Variants in SGCD observed in about 807,000 individuals in gnomAD.
SGCD encodes delta-sarcoglycan.
In SGCD, 18 loss-of-function variants were observed where a neutral mutation model predicts 36.6. That is an observed-to-expected ratio of 0.49 (90% CI 0.34 to 0.73). The LOEUF (loss-of-function observed/expected upper bound fraction) is 0.73. SGCD is among the 30% of genes least tolerant of loss of function. The pLI is 0.01. For missense variants in SGCD, 387 were observed against 346.7 expected, an observed-to-expected ratio of 1.12 and a Z score of -0.92; for synonymous variants, 133 against 130.6, an observed-to-expected ratio of 1.02 and a Z score of -0.12.
intron 1 of SGCD, among the ~76,000 whole-genome samples, chr5:155,992,457 C>T (rs1466755190): frequency 6.6e-6 from 1 of 152,060 alleles, no homozygotes; most frequent in Non-Finnish European, 1.5e-5. Context: ...TCAATGAGAA[C>T]CCTTCCTGCA....
At chr5:156,529,583 C>T (rs1757797079) in intron 4 of SGCD, among the ~76,000 whole-genome samples, 1 of 151,340 alleles carries the variant, frequency 6.6e-6, no homozygotes, top group Non-Finnish European at 1.5e-5. Context: ...GATTCATCTT[C>T]TGGCAACTCT....
intron 3 of SGCD, among the ~76,000 whole-genome samples, chr5:156,240,093 G>A (rs966702876): frequency 3.9e-5 from 6 of 152,150 alleles, no homozygotes; most frequent in African/African-American, 1.4e-4. Context: ...TGCTTTTGAT[G>A]TGTGCTAATG....
intron 4 of SGCD, among the ~76,000 whole-genome samples, chr5:156,569,046 T>G (rs1759612084): frequency 6.6e-6 from 1 of 152,150 alleles, no homozygotes; most frequent in Non-Finnish European, 1.5e-5. Flanking sequence ...GAACATTGTA[T>G]TCCAGATGTG....
chr5:156,343,087 T>A (rs1327620866), intron 2 of SGCD, among the ~76,000 whole-genome samples: 2 of 145,736 alleles, frequency 1.4e-5, no homozygotes, highest in African/African-American at 5.2e-5. Context: ...ATTTTATGTG[T>A]CCATTTTAAT....
At chr5:156,548,618 G>T (rs911812583) in intron 4 of SGCD, among the ~76,000 whole-genome samples, 2 of 151,282 alleles carry the variant, frequency 1.3e-5, no homozygotes, top group East Asian at 4.0e-4. Context: ...TCCTTTCCGT[G>T]TATTTTTTTT....
chr5:156,384,798 C>G (rs1771187658), intron 3 of SGCD, among the ~76,000 whole-genome samples: 1 of 152,060 alleles, frequency 6.6e-6, no homozygotes, highest in Non-Finnish European at 1.5e-5. Context: ...CAAATTGTGC[C>G]TTTTGTTTAT....
rs1753117159 is a variant in SGCD at position 156,667,789 on chromosome 5, GA to G, written c.575+20257del. Among the ~76,000 whole-genome samples the G allele has an allele frequency of 2.0e-5, 3 of 152,162 alleles. No homozygotes were observed. The South Asian group carries it at 6.2e-4, about 32-fold the overall frequency. On this transcript the variant is annotated intron_variant, in intron 7 of 8. Transcript: ENST00000337851. ...CTCAACAAATATTAGTTTTTTGGAGGAAAAGGCAAACAGCTGTCTTTCATCA... is the reference window on the plus strand; with the variant it reads ...CTCAACAAATATTAGTTTTTTGGAGGAAAGGCAAACAGCTGTCTTTCATCA...
chr5:155,935,995 C>A (rs1757188453), intron 1 of SGCD, among the ~76,000 whole-genome samples: 1 of 152,124 alleles, frequency 6.6e-6, no homozygotes, highest in African/African-American at 2.4e-5. Context: ...GCAGCTGGAA[C>A]AGGTGTACTA....
rs1395880969 is a variant in SGCD, at chr5:156,315,471, C to T, written c.-43-14063C>T. 3.3e-5 allele frequency among the ~76,000 whole-genome samples: 5 copies of T among 151,994 alleles called. No individual in the cohort carries two copies. In the East Asian group the frequency reaches 9.6e-4, roughly 29 times the overall value. The stretch of plus-strand genomic sequence containing the variant: ...TTAACCACTCATTGGTTGATGGATG[C>T]TCAAGTCATTTTCATTTTGTGACTA... On this transcript the variant is annotated intron_variant, in intron 3 of 9. Coordinates refer to the SGCD transcript ENST00000517913.
At chr5:156,731,567 T>TG (rs1210338938) in intron 7 of SGCD, among the ~76,000 whole-genome samples, 2 of 150,986 alleles carry the variant, frequency 1.3e-5, no homozygotes, top group Non-Finnish European at 3.0e-5. Flanking sequence ...GTCTTATTTC[T>TG]GGGTTTTCTA....
At chr5:155,741,157 G>T in the SGCD span, among the ~76,000 whole-genome samples, 4 of 152,352 alleles carry the variant, frequency 2.6e-5, no homozygotes, top group African/African-American at 4.8e-5. Context: ...TGCCTGAAGA[G>T]TTGAAGTCAG....
chr5:156,645,127 A>G (rs1763180277), intron 6 of SGCD, among the ~76,000 whole-genome samples: 1 of 152,098 alleles, frequency 6.6e-6, no homozygotes, highest in Admixed American at 6.6e-5. Flanking sequence ...TTTTTGAGAG[A>G]CATTAAATTG....
At chr5:155,752,158 T>C in the SGCD span, among the ~76,000 whole-genome samples, 1 of 152,242 alleles carries the variant, frequency 6.6e-6, no homozygotes, top group East Asian at 1.9e-4. Flanking sequence ...ACAAGTGTCA[T>C]GTTCACTTAA....
At chr5:155,729,619 G>A in the SGCD span, among the ~76,000 whole-genome samples, 2 of 152,208 alleles carry the variant, frequency 1.3e-5, no homozygotes, top group African/African-American at 4.8e-5. Flanking sequence ...AGTCCAACAG[G>A]TGGCCTGCGC....
chr5:155,799,275 C>T, the SGCD span, among the ~76,000 whole-genome samples: 1 of 152,120 alleles, frequency 6.6e-6, no homozygotes, highest in African/African-American at 2.4e-5. Flanking sequence ...ATAATAATCA[C>T]TAATCCTTTT....
At chr5:156,315,269 T>TC (rs1243060696) in intron 3 of SGCD, among the ~76,000 whole-genome samples, 2 of 151,580 alleles carry the variant, frequency 1.3e-5, no homozygotes, top group East Asian at 1.9e-4. Flanking sequence ...AGTCTGATTT[T>TC]TTTTTTTTAG....
intron 1 of SGCD, among the ~76,000 whole-genome samples, chr5:156,016,144 T>C (rs1450537077): frequency 2.6e-5 from 4 of 151,996 alleles, no homozygotes; most frequent in Admixed American, 2.6e-4. Flanking sequence ...GCAATACACA[T>C]GTAATAGGCT....
At chr5:155,869,659 T>A (rs533668992), upstream of SGCD, among the ~76,000 whole-genome samples, 12 of 132,152 alleles carry the variant, frequency 9.1e-5, no homozygotes, top group Admixed American at 6.3e-4. Context: ...TTTTTTTTTT[T>A]AAATTTCACC....
rs771173227 is a variant in SGCD, at chr5:156,184,269, A to G, written c.-44+60250A>G. ...TTAGAAAGTCAAAAAATCCTGTTGAACCATCATAAGATGGTGACCATCTGT... is the reference window on the plus strand; with the variant it reads ...TTAGAAAGTCAAAAAATCCTGTTGAGCCATCATAAGATGGTGACCATCTGT... On this transcript the variant is annotated intron_variant, in intron 3 of 9. Coordinates refer to the SGCD transcript ENST00000517913. 1.4e-4 allele frequency among the ~76,000 whole-genome samples: 22 copies of G among 152,136 alleles called. 1 individual carries two copies. The highest frequency in any genetic ancestry group is 1.0e-3 in the South Asian group (5 of 4,824).
Sources: gnomAD v4.1 joint callset for allele counts (sites outside exome capture counted in the v4.1 genomes callset) on GRCh38, gnomAD v4.1.1 for gene constraint, MANE v1.5 for transcripts, NCBI Gene and HGNC (gene_info 2026-07-23, HGNC 2026-07-21) for gene names.